The following PPP1R9A variants were observed in gnomAD, a reference collection of about 807,000 sequenced individuals.
The protein encoded by PPP1R9A is protein phosphatase 1 regulatory subunit 9A.
In PPP1R9A, 59 loss-of-function variants were observed where a neutral mutation model predicts 141.9. That is an observed-to-expected ratio of 0.42 (90% CI 0.34 to 0.52). The LOEUF (loss-of-function observed/expected upper bound fraction) is 0.52. Ranked by LOEUF, PPP1R9A falls within the 20% of genes least tolerant of loss-of-function variation. The pLI is 0.10. For synonymous variants in PPP1R9A, 500 were observed against 569.7 expected (o/e 0.88, Z 1.74); for missense variants, 1,444 against 1,611.9 (o/e 0.90, Z 1.78).
chr7:94,917,578 T>TC (rs1214308577), intron 2 of PPP1R9A, among the ~76,000 whole-genome samples: 1 of 151,438 alleles, frequency 6.6e-6, no homozygotes, highest in East Asian at 1.9e-4. Flanking sequence ...GTTATTATTT[T>TC]TTTTTTTTTT....
At chr7:95,188,067 A>G (rs1053121720) in intron 5 of PPP1R9A, among the ~76,000 whole-genome samples, 1 of 152,154 alleles carries the variant, frequency 6.6e-6, no homozygotes, top group African/African-American at 2.4e-5. Flanking sequence ...TGACCTGTCT[A>G]GTGCTGTCAG....
chr7:94,922,531 G>C (rs1792978176), intron 2 of PPP1R9A, among the ~76,000 whole-genome samples: 1 of 152,052 alleles, frequency 6.6e-6, no homozygotes, highest in East Asian at 1.9e-4. Context: ...TAGGGATATG[G>C]TTAAATTCAT....
chr7:94,924,395 C>G (rs929400265), intron 2 of PPP1R9A, among the ~76,000 whole-genome samples: 1 of 152,132 alleles, frequency 6.6e-6, no homozygotes, highest in Non-Finnish European at 1.5e-5. Context: ...TGAACTGGAG[C>G]TCCCTCAGGA....
chr7:95,196,243 A>T (rs544016664), intron 5 of PPP1R9A, among the ~76,000 whole-genome samples: 12 of 152,168 alleles, frequency 7.9e-5, no homozygotes, highest in Non-Finnish European at 1.6e-4. Context: ...ATCATCAGTC[A>T]TCAGGGCAAT....
At chr7:95,235,739 C>T (rs1440734890) in intron 8 of PPP1R9A, among the ~76,000 whole-genome samples, 2 of 152,148 alleles carry the variant, frequency 1.3e-5, no homozygotes, top group Admixed American at 6.6e-5. Flanking sequence ...AATATGGAAC[C>T]AGCCCAAATG....
intron 2 of PPP1R9A, among the ~76,000 whole-genome samples, chr7:95,097,913 G>T (rs1818255483): frequency 6.6e-6 from 1 of 152,200 alleles, no homozygotes; most frequent in African/African-American, 2.4e-5. Context: ...TGTTGAGTCT[G>T]GCTATGAAGG....
chr7:95,155,345 C>CA (rs1829436324), intron 4 of PPP1R9A: 1 of 152,068 alleles, frequency 6.6e-6, no homozygotes, highest in Non-Finnish European at 1.5e-5. Context: ...CACATGCCGG[C>CA]ACACCTGGCT....
At chr7:95,166,820 A>C (rs1831337222) in intron 5 of PPP1R9A, among the ~76,000 whole-genome samples, 1 of 152,244 alleles carries the variant, frequency 6.6e-6, no homozygotes, top group Admixed American at 6.5e-5. Context: ...CACCATGATT[A>C]AGTGGGATTT....
chr7:95,173,277 A>G (rs1277322766), intron 5 of PPP1R9A, among the ~76,000 whole-genome samples: 2 of 151,946 alleles, frequency 1.3e-5, no homozygotes, highest in African/African-American at 4.8e-5. Flanking sequence ...TGGGGACTCT[A>G]AAAGAGGAGA....
chr7:95,208,956 T>TAAAAAAAAAAAAAAAAAAAAAAAAAAA (rs10670515), intron 7 of PPP1R9A, among the ~76,000 whole-genome samples: 2 of 76,892 alleles, frequency 2.6e-5, no homozygotes, highest in Non-Finnish European at 2.4e-5. Flanking sequence ...ATAGCAAAAC[T>TAAAAAAAAAAAAAAAAAAAAAAAAAAA]AAAAAAAAAA....
Position 95,067,693 on chromosome 7 carries a change from A to G in PPP1R9A, c.1396-43566A>G, listed in dbSNP as rs191439762. ...AAATCCATGGATGCTCAACTCATGT[A>G]TGGCAAAGTATTTTTTTTTTCTTTT... On this transcript the variant is annotated intron_variant, in intron 2 of 19. Coordinates refer to ENST00000433360, the MANE Select transcript of PPP1R9A (RefSeq NM_001166160.2). Among the ~76,000 whole-genome samples, 15 of 127,896 alleles carry G rather than the reference A, an allele frequency of 1.2e-4. No individual in the cohort carries two copies. The East Asian group carries it at 2.0e-3, about 17-fold the overall frequency. The allele number at this position is 127,896 out of a possible 152,430, so 83.9% of individuals were successfully genotyped here.
intron 12 of PPP1R9A, among the ~76,000 whole-genome samples, chr7:95,265,014 A>G (rs1801050013): frequency 6.6e-6 from 1 of 152,180 alleles, no homozygotes; most frequent in South Asian, 2.1e-4. Context: ...ACTTAGAAAC[A>G]CTGAGCCAGT....
At chr7:95,289,109 C>T (rs1585658487) in intron 19 of PPP1R9A, among the ~76,000 whole-genome samples, 1 of 152,196 alleles carries the variant, frequency 6.6e-6, no homozygotes, top group South Asian at 2.1e-4. Context: ...TCCTTCACCT[C>T]CACTCTTCCT....
chr7:95,255,337 G>C (rs1182351608), intron 12 of PPP1R9A, among the ~76,000 whole-genome samples: 1 of 152,078 alleles, frequency 6.6e-6, no homozygotes, highest in Non-Finnish European at 1.5e-5. Context: ...ACCATTTGCT[G>C]CTTCAAATAT....
intron 4 of PPP1R9A, among the ~76,000 whole-genome samples, chr7:95,157,384 G>A (rs899545505): frequency 4.6e-5 from 7 of 152,208 alleles, no homozygotes; most frequent in South Asian, 4.1e-4. Flanking sequence ...GCCACAGCTC[G>A]GGCACCTGCA....
chr7:95,114,216 A>C (rs527264723), intron 3 of PPP1R9A, among the ~76,000 whole-genome samples: 1 of 152,330 alleles, frequency 6.6e-6, no homozygotes, highest in South Asian at 2.1e-4. Context: ...ATGCAGCAGT[A>C]TGTATGATTC....
intron 4 of PPP1R9A, among the ~76,000 whole-genome samples, chr7:95,129,122 C>T (rs55694414): frequency 0.12 from 17,968 of 152,108 alleles, 1,166 homozygotes; most frequent in East Asian, 0.19. Flanking sequence ...TTCTCCATTG[C>T]TTATTTTTGT....
intron 2 of PPP1R9A, among the ~76,000 whole-genome samples, chr7:95,007,029 A>C (rs1263841722): frequency 1.3e-5 from 2 of 151,868 alleles, no homozygotes; most frequent in Non-Finnish European, 2.9e-5. Context: ...CACTAGGATA[A>C]TTTTGTATTT....
chr7:94,939,411 G>A (rs575287919), intron 2 of PPP1R9A, among the ~76,000 whole-genome samples: 10 of 152,046 alleles, frequency 6.6e-5, no homozygotes, highest in Non-Finnish European at 4.4e-5. Flanking sequence ...GAGTAACACT[G>A]AACTGGAGGA....
Sources: allele counts gnomAD v4.1 joint callset (sites outside exome capture counted in the v4.1 genomes callset), GRCh38; gene constraint gnomAD v4.1.1; transcripts MANE v1.5; gene names NCBI Gene and HGNC (gene_info 2026-07-23, HGNC 2026-07-21).